Variants in LARP1B observed in about 807,000 individuals in gnomAD.
LARP1B encodes La ribonucleoprotein 1B, also known as la-related protein 1B.
Under a neutral mutation model 114.2 loss-of-function variants are expected in LARP1B, and 76 were observed. That is an observed-to-expected ratio of 0.67 (90% confidence interval 0.55 to 0.81). The LOEUF is 0.81. Ranked by LOEUF, LARP1B falls within the 30% of genes least tolerant of loss-of-function variation. The pLI is 0.00. For synonymous variants in LARP1B, 345 were observed against 348.0 expected, an observed-to-expected ratio of 0.99 and a Z score of 0.10; for missense variants, 1,014 against 1,075.8, an observed-to-expected ratio of 0.94 and a Z score of 0.80.
In LARP1B at chr4:128,209,994, G is replaced by A. The variant is rs1428408487; in HGVS notation, c.2686G>A (p.Val896Ile). 6.2e-7 allele frequency: 1 copy of A among 1,613,920 alleles called. No individual in the cohort carries two copies. The highest frequency in any genetic ancestry group is 8.5e-7 in the Non-Finnish European group (1 of 1,180,000). ...ACCTACATCTACCAGTGAGCTTCAG[G>A]TACCAATAAACTCTCCCAGAAGGAA... ...AKPTSTSELQ[V>I]PINSPRRNIS... is the part of the protein sequence containing the mutation. Residue 896 changes from valine to isoleucine, a missense_variant, in exon 20 of 20, where the codon GTA (valine) becomes ATA (isoleucine). Coordinates refer to ENST00000326639, the MANE Select transcript of LARP1B (RefSeq NM_018078.4).
Position 128,152,450 on chromosome 4 carries a change from C to T in LARP1B, c.1525-9744C>T, listed in dbSNP as rs549300569. Among the ~76,000 whole-genome samples the T allele has an allele frequency of 3.3e-5, 5 of 152,162 alleles. No individual in the cohort carries two copies. In the East Asian group the frequency reaches 9.6e-4, roughly 29 times the overall value. The stretch of plus-strand genomic sequence containing the variant: ...AACTCCTGACCTCGTGATCCACCTG[C>T]CTCGGCCTCCCAAAGTGCTGAGATT... On this transcript the variant is annotated intron_variant, in intron 11 of 19. Transcript: ENST00000326639.
chr4:128,077,087 AGTG>A (rs1768219718), intron 3 of LARP1B, among the ~76,000 whole-genome samples: 1 of 152,112 alleles, frequency 6.6e-6, no homozygotes, highest in Non-Finnish European at 1.5e-5. Context: ...ATAAATGAGG[AGTG>A]GTATCCCATT....
chr4:128,191,600 G>A (rs1261484764), intron 15 of LARP1B, among the ~76,000 whole-genome samples: 1 of 152,110 alleles, frequency 6.6e-6, no homozygotes, highest in Non-Finnish European at 1.5e-5. Context: ...CAAACGGTTT[G>A]TACCCAGAAA....
chr4:128,130,855 A>G (rs188274451), intron 11 of LARP1B, among the ~76,000 whole-genome samples: 2 of 152,212 alleles, frequency 1.3e-5, no homozygotes, highest in Non-Finnish European at 2.9e-5. Context: ...TCAAAAATGC[A>G]TGAGCTATCA....
At chr4:128,194,511 T>C (rs528343982) in intron 15 of LARP1B, among the ~76,000 whole-genome samples, 2 of 151,658 alleles carry the variant, frequency 1.3e-5, no homozygotes, top group African/African-American at 4.8e-5. Context: ...TGAAACCCCG[T>C]CTCTGCTAAA....
chr4:128,178,891 G>A (rs1462934703), intron 14 of LARP1B, among the ~76,000 whole-genome samples: 1 of 152,082 alleles, frequency 6.6e-6, no homozygotes, highest in East Asian at 1.9e-4. Context: ...CCAGGAGTTG[G>A]AGACGAGCCT....
intron 8 of LARP1B, among the ~76,000 whole-genome samples, chr4:128,100,889 C>T (rs1374826085): frequency 1.3e-5 from 2 of 150,140 alleles, no homozygotes; most frequent in African/African-American, 4.9e-5. Flanking sequence ...GTGATCTCAG[C>T]TCACTGCAAC....
chr4:128,201,689 C>T (rs945591186), intron 17 of LARP1B, among the ~76,000 whole-genome samples: 2 of 152,158 alleles, frequency 1.3e-5, no homozygotes, highest in Non-Finnish European at 2.9e-5. Flanking sequence ...TTAGACCTTG[C>T]TTCCTTCAGA....
chr4:128,149,862 A>G (rs1731919237), intron 11 of LARP1B, among the ~76,000 whole-genome samples: 1 of 152,150 alleles, frequency 6.6e-6, no homozygotes, highest in South Asian at 2.1e-4. Context: ...GAGGAAAAAA[A>G]TAGGTGTGGG....
intron 9 of LARP1B, among the ~76,000 whole-genome samples, chr4:128,110,322 T>C (rs1208379735): frequency 6.6e-6 from 1 of 152,034 alleles, no homozygotes; most frequent in South Asian, 2.1e-4. Flanking sequence ...TATCAGGTAA[T>C]CTAAGTCATT....
intron 11 of LARP1B, among the ~76,000 whole-genome samples, chr4:128,144,940 C>T (rs1290894669): frequency 2.6e-5 from 4 of 152,130 alleles, no homozygotes; most frequent in Non-Finnish European, 4.4e-5. Context: ...AACATTTGAG[C>T]GATCTACTGA....
chr4:128,164,989 A>G (rs932931507), intron 12 of LARP1B, among the ~76,000 whole-genome samples: 1 of 152,118 alleles, frequency 6.6e-6, no homozygotes, highest in African/African-American at 2.4e-5. Context: ...AAAATAAAAA[A>G]ATAAAAAAGG....
intron 1 of LARP1B, among the ~76,000 whole-genome samples, chr4:128,065,383 T>TTCTTTTCTTTTCTTC (rs1762419842): frequency 6.7e-6 from 1 of 149,614 alleles, no homozygotes; most frequent in African/African-American, 2.5e-5. Flanking sequence ...TTCTTTTCTT[T>TTCTTTTCTTTTCTTC]CTTTTTTCAA....
In LARP1B at chr4:128,108,334, C is replaced by T. The variant is rs897250211; in HGVS notation, c.988+1021C>T. The T allele has an allele frequency of 4.0e-6, 4 of 1,000,086 alleles. No individual in the cohort carries two copies. In the African/African-American group the frequency reaches 5.2e-5, roughly 13 times the overall value. 62.0% of individuals were successfully genotyped at this position (1,000,086 alleles called of 1,614,324 possible). On this transcript the variant is annotated intron_variant, in intron 9 of 19. Coordinates refer to ENST00000326639, the MANE Select transcript of LARP1B (RefSeq NM_018078.4). ...CCAGATTCTTAAGTACTTTGCTATT[C>T]GATTTGCCTTTCAGTGTAGTGTACA... is the stretch of plus-strand genomic sequence containing the variant.
At chr4:128,094,903 C>T (rs1580261297) in intron 7 of LARP1B, among the ~76,000 whole-genome samples, 1 of 152,076 alleles carries the variant, frequency 6.6e-6, no homozygotes, top group African/African-American at 2.4e-5. Context: ...AGGCACGCAA[C>T]ACCATGGCCG....
chr4:128,176,167 ATATT>A (rs1745881997), intron 12 of LARP1B, among the ~76,000 whole-genome samples: 3 of 134,722 alleles, frequency 2.2e-5, no homozygotes, highest in South Asian at 2.5e-4. Flanking sequence ...ATAAATATAT[ATATT>A]ATATATAAAT....
At chr4:128,170,406 G>T (rs1302300144) in intron 12 of LARP1B, among the ~76,000 whole-genome samples, 1 of 152,012 alleles carries the variant, frequency 6.6e-6, no homozygotes, top group East Asian at 1.9e-4. Context: ...TTGTCTACTG[G>T]TTCTGTCTTA....
intron 11 of LARP1B, among the ~76,000 whole-genome samples, chr4:128,138,759 A>G (rs1726571834): frequency 6.6e-6 from 1 of 152,134 alleles, no homozygotes; most frequent in Admixed American, 6.5e-5. Context: ...GGAGTTCAAG[A>G]CCAGCCTGGC....
Position 128,210,931 on chromosome 4 carries a change from G to T in LARP1B, c.*878G>T. The T allele has an allele frequency of 4.2e-6, 4 of 956,924 alleles. No homozygotes were observed. Among genetic ancestry groups the T allele is most frequent in the Middle Eastern group, 5.4e-4 (1 of 1,848 alleles). The allele number at this position is 956,924 out of a possible 1,614,324, so 59.3% of individuals were successfully genotyped here. A position where few individuals can be genotyped will look rare whatever the true frequency, so the allele number is the denominator to read the frequency against. On this transcript the variant is annotated 3_prime_UTR_variant, in exon 20 of 20. Transcript: ENST00000326639. Reference sequence around the variant, plus strand: ...CTGCTATTTATACATCTGCAAGTGGGTATGTCATAAGGAGTCAGATTATCT... The same window carrying T: ...CTGCTATTTATACATCTGCAAGTGGTTATGTCATAAGGAGTCAGATTATCT...
Sources: allele counts gnomAD v4.1 joint callset (sites outside exome capture counted in the v4.1 genomes callset), GRCh38; gene constraint gnomAD v4.1.1; transcripts MANE v1.5; gene names NCBI Gene and HGNC (gene_info 2026-07-23, HGNC 2026-07-21).